CARD10: variants seen among roughly 807,000 people sequenced by gnomAD.
CARD10 encodes caspase recruitment domain-containing protein 10.
A neutral mutation model predicts 114.6 loss-of-function variants in CARD10; 49 were observed. The observed-to-expected ratio is 0.43, with a 90% CI of 0.34 to 0.54. The LOEUF is 0.54. Among genes scored for constraint, CARD10 ranks in the 20% least tolerant of loss-of-function variants. The pLI, the probability that CARD10 is intolerant of heterozygous loss-of-function variation, is 0.03. For synonymous variants in CARD10, 602 were observed against 593.2 expected (o/e 1.01, Z -0.21); for missense variants, 1,206 against 1,397.2 (o/e 0.86, Z 2.18).
chr22:37,491,766 G>T lies in CARD10; in HGVS notation c.2853C>A (p.Val951=). 1 of 1,506,478 alleles carries T rather than the reference G, an allele frequency of 6.6e-7. No individual in the cohort carries two copies. Among genetic ancestry groups the T allele is most frequent in the Non-Finnish European group, 9.1e-7 (1 of 1,100,216 alleles). The allele number at this position is 1,506,478 out of a possible 1,614,324, so 93.3% of individuals were successfully genotyped here. The change falls in exon 19 of 20, where the codon GTC becomes GTA. Residue 951 remains valine (V), a synonymous_variant. Transcript: ENST00000251973. ...CCCACCCACCTCACCTGACTTCCCGGACATTCTTCTCAGTCACCTCCACGT... is the reference window on the plus strand; with the variant it reads ...CCCACCCACCTCACCTGACTTCCCGTACATTCTTCTCAGTCACCTCCACGT... ...VIHVEVTEKN[V]REVRGLLGRP...
At chr22:37,503,462 C>A (rs1227006228) in intron 9 of CARD10, among the ~76,000 whole-genome samples, 1 of 152,162 alleles carries the variant, frequency 6.6e-6, no homozygotes, top group Non-Finnish European at 1.5e-5. Flanking sequence ...GCATGCCCTT[C>A]AAAGCCAGCT....
Position 37,494,342 on chromosome 22 carries a change from C to T in CARD10, c.2374-154G>A, listed in dbSNP as rs1160227436. ...GGTCAGCAAAGATGTCCTTCTCCACCAGGCCCTCCCCTGCCCCTCCCCAGC... is the reference window on the plus strand; with the variant it reads ...GGTCAGCAAAGATGTCCTTCTCCACTAGGCCCTCCCCTGCCCCTCCCCAGC... On this transcript the variant is annotated intron_variant, in intron 15 of 19. Coordinates refer to ENST00000251973, the MANE Select transcript of CARD10 (RefSeq NM_014550.4). The T allele has an allele frequency of 1.1e-4, 66 of 608,124 alleles. 1 individual carries two copies. In the East Asian group the frequency reaches 1.8e-3, roughly 16 times the overall value. The allele number at this position is 608,124 out of a possible 1,614,324, so 37.7% of individuals were successfully genotyped here.
Position 37,517,996 on chromosome 22 carries a change from G to T in CARD10, c.348C>A (p.Pro116=), listed in dbSNP as rs765900935. Residue 116 remains proline (P), a synonymous_variant, in exon 2 of 20, where the codon CCC becomes CCA. Transcript: ENST00000251973. ...EHFTLLTGQE[P]AQRCSMILDE... ...CGAGGATCATGGAGCAGCGCTGGGC[G>T]GGTTCCTGGCCCGTGAGCAGCGTGA... is the stretch of plus-strand genomic sequence containing the variant. The T allele has an allele frequency of 1.2e-6, 2 of 1,614,020 alleles. No individual in the cohort carries two copies. The highest frequency in any genetic ancestry group is 1.7e-5 in the Admixed American group (1 of 60,024).
chr22:37,518,187 G>T, intron 1 of CARD10, 79 bp from the exon 2 acceptor site: 1 of 1,438,660 alleles, frequency 7.0e-7, no homozygotes, highest in Non-Finnish European at 9.6e-7. Flanking sequence ...CCCCCACCAT[G>T]CTCCAGGCCC....
intron 6 of CARD10, 51 bp from the exon 7 acceptor site, chr22:37,506,434 C>T: frequency 1.4e-6 from 2 of 1,396,494 alleles, no homozygotes; most frequent in Non-Finnish European, 1.9e-6. Flanking sequence ...CTTGGCCCAG[C>T]TTTCCTGGCC....
chr22:37,509,979 G>A (rs1204655201), intron 4 of CARD10, among the ~76,000 whole-genome samples: 4 of 29,326 alleles, frequency 1.4e-4, no homozygotes, highest in Non-Finnish European at 1.8e-4. Flanking sequence ...GGTACCTACC[G>A]CAGGCCCTCC....
At chr22:37,513,986 C>G (rs572844429) in intron 3 of CARD10, among the ~76,000 whole-genome samples, 39 of 152,100 alleles carry the variant, frequency 2.6e-4, no homozygotes, top group African/African-American at 8.9e-4. Flanking sequence ...CACCTGTAAT[C>G]CCAGCTACTC....
rs772838318 is a variant in CARD10 at position 37,508,535 on chromosome 22, G to A, written c.1057C>T (p.Arg353Cys). Residue 353 changes from arginine (R) to cysteine (C), a missense_variant, in exon 5 of 20, where the codon CGC becomes TGC. Arg to Cys is a radical substitution (Grantham distance 180). Coordinates refer to ENST00000251973, the MANE Select transcript of CARD10 (RefSeq NM_014550.4). ...QGELQWAEEL[R>C]DQYLQEMEDL... ...CACGGGCAGGGCCCCACCTGGTCGC[G>A]CAGCTCCTCGGCCCACTGCAGCTCC... is the stretch of plus-strand genomic sequence containing the variant. The A allele has an allele frequency of 2.2e-5, 35 of 1,593,004 alleles. No homozygotes were observed. In the South Asian group the frequency reaches 2.7e-4, roughly 12 times the overall value.
intron 1 of CARD10, 112 bp from the exon 2 acceptor site, chr22:37,518,220 A>C: frequency 9.8e-7 from 1 of 1,023,822 alleles, no homozygotes. Context: ...TTTTTGAGCC[A>C]GTGACACACA....
At chr22:37,494,364 C>G in intron 15 of CARD10, 176 bp from the exon 16 acceptor site, 1 of 599,138 alleles carries the variant, frequency 1.7e-6, no homozygotes, top group Non-Finnish European at 3.0e-6. Flanking sequence ...TGCCCCTCCC[C>G]AGCCCAGCAC....
At chr22:37,495,442 G>C in intron 15 of CARD10, 75 bp downstream of exon 15, 1 of 1,229,132 alleles carries the variant, frequency 8.1e-7, no homozygotes, top group South Asian at 1.3e-5. Context: ...GGTTGCCAGA[G>C]AACAGAGCCT....
chr22:37,519,409 G>T lies in CARD10; in HGVS notation c.-209C>A. On this transcript the variant is annotated 5_prime_UTR_variant, in exon 1 of 20. Transcript: ENST00000251973. The surrounding 1 kb of genome is among the most constrained non-coding windows in gnomAD (Gnocchi z 4.1). ...GGGCGGCGGCTCCGCCGGCGCAGGG[G>T]GGCGGTGCCCGTGGCGCCCCCGGCT... is the stretch of plus-strand genomic sequence containing the variant. The T allele has an allele frequency of 8.5e-7, 1 of 1,181,166 alleles. No homozygotes were observed. Among genetic ancestry groups the T allele is most frequent in the African/African-American group, 1.6e-5 (1 of 62,614 alleles). 73.2% of individuals were successfully genotyped at this position (1,181,166 alleles called of 1,614,324 possible). A position where few individuals can be genotyped will look rare whatever the true frequency, so the allele number is the denominator to read the frequency against.
rs891706027 is a variant in CARD10, at chr22:37,490,835, G to A, written c.*324C>T. On this transcript the variant is annotated 3_prime_UTR_variant, in exon 20 of 20. Coordinates refer to ENST00000251973, the MANE Select transcript of CARD10 (RefSeq NM_014550.4). ...CATGAGAACTTGAGTGTGCAAACCTGCGCACAGGTGTGAGAACAGACTCCA... is the reference window on the plus strand; with the variant it reads ...CATGAGAACTTGAGTGTGCAAACCTACGCACAGGTGTGAGAACAGACTCCA... 2.8e-6 allele frequency: 1 copy of A among 351,274 alleles called. No homozygotes were observed. The allele number at this position is 351,274 out of a possible 1,614,324, so 21.8% of individuals were successfully genotyped here.
At chr22:37,518,359 C>T (rs987735324) in intron 1 of CARD10, among the ~76,000 whole-genome samples, 1 of 152,140 alleles carries the variant, frequency 6.6e-6, no homozygotes, top group African/African-American at 2.4e-5. Context: ...GATGCCGGCC[C>T]GCAAATGCAG....
Position 37,496,017 on chromosome 22 carries a change from G to T in CARD10, c.2060-14C>A, listed in dbSNP as rs763120175. The T allele has an allele frequency of 5.0e-6, 8 of 1,611,820 alleles. No individual in the cohort carries two copies. The highest frequency in any genetic ancestry group is 1.7e-4 in the Middle Eastern group (1 of 6,048). ...AGGACTGGCAGGCTGGGCATGGATGGGGCAGGGGGCAGCAAGGAGGACAAG... is the reference window on the plus strand; with the variant it reads ...AGGACTGGCAGGCTGGGCATGGATGTGGCAGGGGGCAGCAAGGAGGACAAG... On this transcript the variant is annotated splice_polypyrimidine_tract_variant and intron_variant, in intron 13 of 19. Coordinates refer to ENST00000251973, the MANE Select transcript of CARD10 (RefSeq NM_014550.4). This position sits in a 1 kb window ranked among gnomAD's most constrained non-coding sequence, Gnocchi z 4.1.
intron 7 of CARD10, 139 bp downstream of exon 7, chr22:37,506,053 G>A (rs1415780269): frequency 1.6e-6 from 1 of 619,992 alleles, no homozygotes; most frequent in East Asian, 3.3e-5. Flanking sequence ...CCCTAACTGA[G>A]GACTCTTCCC....
intron 2 of CARD10, 120 bp from the exon 3 acceptor site, chr22:37,516,418 T>G: frequency 1.4e-6 from 1 of 720,696 alleles, no homozygotes; most frequent in South Asian, 2.3e-5. Context: ...GGAATATATT[T>G]GTAGAATTGG....
rs752431554 is a variant in CARD10, at chr22:37,515,957, T to A, written c.699+16A>T. 1.9e-6 allele frequency: 3 copies of A among 1,541,496 alleles called. No individual in the cohort carries two copies. Among genetic ancestry groups the A allele is most frequent in the Admixed American group, 3.7e-5 (2 of 53,452 alleles). ...CCCCTTCCCTTGCCTCCCCGACCCATCTCCCCAGGGCCTACCGCCAGCTGC... is the reference window on the plus strand; with the variant it reads ...CCCCTTCCCTTGCCTCCCCGACCCAACTCCCCAGGGCCTACCGCCAGCTGC... On this transcript the variant is annotated intron_variant, in intron 3 of 19. Coordinates refer to ENST00000251973, the MANE Select transcript of CARD10 (RefSeq NM_014550.4).
At position 37,494,293 on chromosome 22, in the gene CARD10, G is replaced by A. The variant is rs547560257; in HGVS notation, c.2374-105C>T. Reference sequence around the variant, plus strand: ...CACAGCGGGCCCCACTGCCACTGTGGTCCAGGCTTGCCAGAAGAGCCTGGG... The same window carrying A: ...CACAGCGGGCCCCACTGCCACTGTGATCCAGGCTTGCCAGAAGAGCCTGGG... On this transcript the variant is annotated intron_variant, in intron 15 of 19. Transcript: ENST00000251973. 1.6e-5 allele frequency: 12 copies of A among 727,378 alleles called. No homozygotes were observed. The East Asian group carries it at 3.0e-4, about 18-fold the overall frequency. 45.1% of individuals were successfully genotyped at this position (727,378 alleles called of 1,614,324 possible).
Sources: allele counts gnomAD v4.1 joint callset (sites outside exome capture counted in the v4.1 genomes callset), GRCh38; gene constraint gnomAD v4.1.1; non-coding constraint Gnocchi (gnomAD v3.1); transcripts MANE v1.5; gene names NCBI Gene and HGNC (gene_info 2026-07-23, HGNC 2026-07-21).